ZNF385D: variants seen among roughly 807,000 people sequenced by gnomAD.
ZNF385D encodes the protein zinc finger protein 385D, also known as zinc finger protein 659.
In ZNF385D, 15 loss-of-function variants were observed where a neutral mutation model predicts 35.8. The ratio of observed to expected loss-of-function variants is 0.42; its 90% confidence interval spans 0.28 to 0.64. The LOEUF is 0.64. Among genes scored for constraint, ZNF385D ranks in the 30% least tolerant of loss-of-function variants. The pLI is 0.23. For synonymous variants in ZNF385D, 212 were observed against 186.8 expected, an observed-to-expected ratio of 1.13 and a Z score of -1.10; for missense variants, 474 against 494.6, an observed-to-expected ratio of 0.96 and a Z score of 0.39.
chr3:21,884,302 C>T (rs576052519), intron 3 of ZNF385D, among the ~76,000 whole-genome samples: 1 of 152,088 alleles, frequency 6.6e-6, no homozygotes, highest in South Asian at 2.1e-4. Flanking sequence ...AAACAGTAGA[C>T]AACTCTGAAA....
Position 21,773,016 on chromosome 3 carries a change from A to G in ZNF385D, c.326-107988T>C, listed in dbSNP as rs577784714. On this transcript the variant is annotated intron_variant, in intron 3 of 5. Coordinates refer to the ZNF385D transcript ENST00000494108. Reference sequence around the variant, plus strand: ...ACTTAGAGTAGTCAAAATCATAGAGACAGTAAGTAGAATGGTGGTTGCTGG... The same window carrying G: ...ACTTAGAGTAGTCAAAATCATAGAGGCAGTAAGTAGAATGGTGGTTGCTGG... Among the ~76,000 whole-genome samples the G allele has an allele frequency of 2.0e-5, 3 of 152,006 alleles. No homozygotes were observed. The South Asian group carries it at 6.2e-4, about 31-fold the overall frequency.
intron 1 of ZNF385D, among the ~76,000 whole-genome samples, chr3:21,723,537 C>T (rs1400751051): frequency 1.3e-5 from 2 of 151,558 alleles, no homozygotes; most frequent in Non-Finnish European, 1.5e-5. Context: ...ATTTATCAAG[C>T]GAAAGAAAGG....
chr3:21,835,567 G>A (rs1471495365), intron 3 of ZNF385D, among the ~76,000 whole-genome samples: 2 of 150,938 alleles, frequency 1.3e-5, no homozygotes, highest in African/African-American at 4.9e-5. Flanking sequence ...TAAGGATAAA[G>A]GCACAAATAA....
rs138756025 is a variant in ZNF385D at position 22,126,478 on chromosome 3, T to C, written c.325+42339A>G. ...TCAGGAGCATATTGTTTACTTTCCATGTGTACACTTTTCAAACTTCCTCTT... is the reference window on the plus strand; with the variant it reads ...TCAGGAGCATATTGTTTACTTTCCACGTGTACACTTTTCAAACTTCCTCTT... On this transcript the variant is annotated intron_variant, in intron 3 of 5. Coordinates refer to the ZNF385D transcript ENST00000494108. Among the ~76,000 whole-genome samples, 34 of 152,210 alleles carry C rather than the reference T, an allele frequency of 2.2e-4. No homozygotes were observed. In the East Asian group the frequency reaches 6.6e-3, roughly 29 times the overall value.
intron 3 of ZNF385D, among the ~76,000 whole-genome samples, chr3:21,869,375 C>T (rs149294518): frequency 3.9e-5 from 6 of 152,208 alleles, no homozygotes; most frequent in East Asian, 3.9e-4. Context: ...ATGTCCCACA[C>T]CAAACTTCAA....
intron 3 of ZNF385D, among the ~76,000 whole-genome samples, chr3:21,958,593 G>C (rs1357220421): frequency 6.6e-6 from 1 of 152,022 alleles, no homozygotes; most frequent in Non-Finnish European, 1.5e-5. Flanking sequence ...ATTGTTCCAA[G>C]TCAATGAAAA....
chr3:21,738,022 A>C (rs1292046461), intron 1 of ZNF385D, among the ~76,000 whole-genome samples: 1 of 152,360 alleles, frequency 6.6e-6, no homozygotes, highest in Non-Finnish European at 1.5e-5. Context: ...TTCCATGAAC[A>C]GGATTTTATA....
intron 3 of ZNF385D, among the ~76,000 whole-genome samples, chr3:21,758,853 T>A (rs941274402): frequency 6.6e-6 from 1 of 151,832 alleles, no homozygotes; most frequent in Non-Finnish European, 1.5e-5. Flanking sequence ...TAAATGTATG[T>A]ATAATAGATA....
intron 2 of ZNF385D, among the ~76,000 whole-genome samples, chr3:21,615,817 T>TGTGTGTGTGTGTGTGTGTGTGTGTG (rs1559462215): frequency 1.3e-5 from 2 of 150,434 alleles, no homozygotes; most frequent in South Asian, 2.1e-4. Flanking sequence ...TGTGTGTGTG[T>TGTGTGTGTGTGTGTGTGTGTGTGTG]TTACTGGTTA....
chr3:22,364,969 A>G (rs1407202637), intron 2 of ZNF385D, among the ~76,000 whole-genome samples: 2 of 151,860 alleles, frequency 1.3e-5, no homozygotes, highest in Admixed American at 6.6e-5. Context: ...AAATCAAGTT[A>G]TGTGAAATAA....
At chr3:21,845,020 A>C (rs1695913636) in intron 3 of ZNF385D, among the ~76,000 whole-genome samples, 1 of 131,704 alleles carries the variant, frequency 7.6e-6, no homozygotes. Context: ...GTAAATAAAT[A>C]AGAGAAGAAA....
intron 2 of ZNF385D, among the ~76,000 whole-genome samples, chr3:21,637,797 T>G (rs2065490938): frequency 6.6e-6 from 1 of 152,110 alleles, no homozygotes; most frequent in African/African-American, 2.4e-5. Flanking sequence ...TTAAATGAAC[T>G]TAAATGAGTA....
intron 2 of ZNF385D, among the ~76,000 whole-genome samples, chr3:22,254,445 T>C (rs903218636): frequency 6.6e-6 from 1 of 151,900 alleles, no homozygotes; most frequent in African/African-American, 2.4e-5. Flanking sequence ...TGCATATTTT[T>C]TGACCTAGCA....
intron 1 of ZNF385D, among the ~76,000 whole-genome samples, chr3:21,678,377 G>C (rs9310651): frequency 0.064 from 9,783 of 152,074 alleles, 366 homozygotes; most frequent in East Asian, 0.13. Context: ...CCTGAGATTC[G>C]CTCATGATTC....
At chr3:22,057,104 C>T (rs1054674597) in intron 3 of ZNF385D, among the ~76,000 whole-genome samples, 14 of 152,210 alleles carry the variant, frequency 9.2e-5, no homozygotes, top group African/African-American at 2.9e-4. Context: ...TCAGTTGCTA[C>T]GTGACCCTGT....
At chr3:22,280,563 A>C (rs759251535) in intron 2 of ZNF385D, among the ~76,000 whole-genome samples, 1 of 152,064 alleles carries the variant, frequency 6.6e-6, no homozygotes, top group Non-Finnish European at 1.5e-5. Context: ...TGCTTTGTCA[A>C]AGATCAATTG....
intron 2 of ZNF385D, among the ~76,000 whole-genome samples, chr3:21,634,684 A>T (rs1278271379): frequency 6.6e-6 from 1 of 152,090 alleles, no homozygotes; most frequent in African/African-American, 2.4e-5. Context: ...CGTTCCTGGT[A>T]AATTGCATGT....
chr3:21,866,997 C>T (rs905678928), intron 3 of ZNF385D, among the ~76,000 whole-genome samples: 6 of 152,064 alleles, frequency 3.9e-5, no homozygotes, highest in Non-Finnish European at 7.4e-5. Flanking sequence ...TAACAGAACA[C>T]CTGACACTTG....
intron 3 of ZNF385D, among the ~76,000 whole-genome samples, chr3:21,513,091 G>T (rs1402224339): frequency 2.0e-5 from 3 of 151,978 alleles, no homozygotes; most frequent in Non-Finnish European, 4.4e-5. Flanking sequence ...ATTCTCAGTG[G>T]CATTTAAAAT....
Sources: allele counts gnomAD v4.1 joint callset (sites outside exome capture counted in the v4.1 genomes callset), GRCh38; gene constraint gnomAD v4.1.1; transcripts MANE v1.5; gene names NCBI Gene and HGNC (gene_info 2026-07-23, HGNC 2026-07-21).